The following EPC1 variants were observed in gnomAD, a reference collection of about 807,000 sequenced individuals.
EPC1 encodes enhancer of polycomb 1, also known as enhancer of polycomb homolog 1.
EPC1 carries 12 observed loss-of-function variants against 98.4 expected under a neutral mutation model. The ratio of observed to expected loss-of-function variants is 0.12; its 90% confidence interval spans 0.08 to 0.20. The LOEUF (loss-of-function observed/expected upper bound fraction) is 0.20, where lower values mean the gene tolerates loss of function less well. Among genes scored for constraint, EPC1 ranks in the 10% least tolerant of loss-of-function variants. The pLI, the probability that EPC1 is intolerant of heterozygous loss-of-function variation, is 1.00. For missense variants in EPC1, 729 were observed against 990.5 expected (o/e 0.74, Z 3.54); for synonymous variants, 357 against 363.9 (o/e 0.98, Z 0.21).
intron 2 of EPC1, among the ~76,000 whole-genome samples, chr10:32,302,454 C>A (rs903640282): frequency 1.3e-5 from 2 of 151,680 alleles, no homozygotes; most frequent in Non-Finnish European, 2.9e-5. Flanking sequence ...TTGAGACCAG[C>A]CTGGCCAACT....
chr10:32,306,788 C>T (rs1835897451), intron 1 of EPC1, among the ~76,000 whole-genome samples: 1 of 151,906 alleles, frequency 6.6e-6, no homozygotes, highest in African/African-American at 2.4e-5. Flanking sequence ...CTACCAACTG[C>T]CATATAAAGG....
intron 2 of EPC1, among the ~76,000 whole-genome samples, chr10:32,296,168 C>T (rs1012923059): frequency 5.3e-4 from 81 of 152,116 alleles, no homozygotes; most frequent in African/African-American, 1.8e-3. Context: ...AACTCCTGAA[C>T]TCATGATCCA....
At chr10:32,332,412 C>T (rs1837691847) in intron 1 of EPC1, among the ~76,000 whole-genome samples, 1 of 152,146 alleles carries the variant, frequency 6.6e-6, no homozygotes, top group African/African-American at 2.4e-5. Flanking sequence ...CTTGGGTAGT[C>T]CCCTCCCACA....
intron 1 of EPC1, among the ~76,000 whole-genome samples, chr10:32,356,828 C>T (rs984630713): frequency 4.6e-5 from 7 of 152,048 alleles, no homozygotes; most frequent in African/African-American, 1.7e-4. Context: ...ACTAAAAATA[C>T]AAAAAATTAG....
chr10:32,368,516 T>C (rs1287754851), intron 1 of EPC1, among the ~76,000 whole-genome samples: 1 of 152,230 alleles, frequency 6.6e-6, no homozygotes, highest in Non-Finnish European at 1.5e-5. Context: ...TACCTTTTCC[T>C]TTATGGCTCA....
At chr10:32,372,439 T>A (rs889300827) in intron 1 of EPC1, among the ~76,000 whole-genome samples, 24 of 152,338 alleles carry the variant, frequency 1.6e-4, no homozygotes, top group African/African-American at 5.5e-4. Flanking sequence ...CTGGACCTAA[T>A]GTTATGAATC....
At chr10:32,323,285 T>C (rs898265914) in intron 1 of EPC1, among the ~76,000 whole-genome samples, 2 of 152,170 alleles carry the variant, frequency 1.3e-5, no homozygotes, top group African/African-American at 4.8e-5. Flanking sequence ...CTGATATTTG[T>C]AATAGAAGTA....
At chr10:32,287,620 A>G (rs1197262219) in intron 6 of EPC1, among the ~76,000 whole-genome samples, 1 of 152,186 alleles carries the variant, frequency 6.6e-6, no homozygotes, top group Non-Finnish European at 1.5e-5. Context: ...ATTCTAGAAG[A>G]GAATTTTTTT....
rs1835699520 is a variant in EPC1, at chr10:32,268,821, G to A, written c.*242C>T. The A allele has an allele frequency of 4.9e-6, 1 of 202,758 alleles. No homozygotes were observed. 12.6% of individuals were successfully genotyped at this position (202,758 alleles called of 1,614,324 possible). ...CTGTATTCAAGTAACATATATACAA[G>A]GGTATTACAAATATGCAGTACTGTA... On this transcript the variant is annotated 3_prime_UTR_variant, in exon 14 of 14. Coordinates refer to ENST00000319778, the MANE Select transcript of EPC1 (RefSeq NM_001272004.3).
At chr10:32,290,734 T>C (rs372086591) in intron 6 of EPC1, among the ~76,000 whole-genome samples, 4 of 151,936 alleles carry the variant, frequency 2.6e-5, no homozygotes, top group Non-Finnish European at 4.4e-5. Flanking sequence ...GGCACAATCA[T>C]TGCAGTATAC....
rs573540260 is a variant in EPC1 at position 32,315,653 on chromosome 10, T to G, written c.154-9722A>C. On this transcript the variant is annotated intron_variant, in intron 1 of 13. Transcript: ENST00000319778. ...AGTTGAACAAAAGGCCTGAGCTGAATTATTTTCTCTACTACTTTCAAATGA... is the reference window on the plus strand; with the variant it reads ...AGTTGAACAAAAGGCCTGAGCTGAAGTATTTTCTCTACTACTTTCAAATGA... Among the ~76,000 whole-genome samples the G allele has an allele frequency of 2.0e-5, 3 of 152,320 alleles. No homozygotes were observed. In the South Asian group the frequency reaches 6.2e-4, roughly 32 times the overall value.
Position 32,284,701 on chromosome 10 carries a change from A to G in EPC1, c.1741T>C (p.Phe581Leu). The change falls in exon 10 of 14, where the codon TTT (phenylalanine) becomes CTT (leucine). Residue 581 changes from phenylalanine (F) to leucine (L), a missense_variant. Coordinates refer to ENST00000319778, the MANE Select transcript of EPC1 (RefSeq NM_001272004.3). The stretch of plus-strand genomic sequence containing the variant: ...ACATCATTAACAGTCAACATACCAA[A>G]GTGTGCTGAACCACTGCTACTTTTA... The part of the protein sequence containing the change: ...QSKSSSGSAH[F>L]AFTAEQYQQH... 1 of 1,607,174 alleles carries G rather than the reference A, an allele frequency of 6.2e-7. No homozygotes were observed. The highest frequency in any genetic ancestry group is 8.5e-7 in the Non-Finnish European group (1 of 1,175,058).
At position 32,346,939 on chromosome 10, in the gene EPC1, C is replaced by CG; in HGVS notation, c.-25dup. 1 of 1,610,562 alleles carries CG rather than the reference C, an allele frequency of 6.2e-7. No individual in the cohort carries two copies. Among genetic ancestry groups the CG allele is most frequent in the Non-Finnish European group, 8.5e-7 (1 of 1,179,718 alleles). Reference sequence around the variant, plus strand: ...ATCTCAGGCGCAGCAGATACCTCTCCGCTCTGGGGAAACGGCCCCGGCCAG... The same window carrying CG: ...ATCTCAGGCGCAGCAGATACCTCTCCGGCTCTGGGGAAACGGCCCCGGCCAG... On this transcript the variant is annotated 5_prime_UTR_variant, in exon 1 of 14. It removes the in-frame stop codon of an upstream open reading frame in the 5' UTR. Coordinates refer to ENST00000319778, the MANE Select transcript of EPC1 (RefSeq NM_001272004.3).
chr10:32,340,074 T>C (rs1235980546), intron 1 of EPC1, among the ~76,000 whole-genome samples: 1 of 152,232 alleles, frequency 6.6e-6, no homozygotes, highest in Non-Finnish European at 1.5e-5. Context: ...ATCCAATTTC[T>C]TCAGTCAGTA....
intron 1 of EPC1, among the ~76,000 whole-genome samples, chr10:32,369,994 TATG>T (rs1398540604): frequency 2.0e-5 from 3 of 152,208 alleles, no homozygotes; most frequent in African/African-American, 4.8e-5. Context: ...GATTTATGAA[TATG>T]ATAAGATTTG....
At chr10:32,343,694 TG>T (rs5784285) in intron 1 of EPC1, among the ~76,000 whole-genome samples, 1,793 of 142,862 alleles carry the variant, frequency 0.013, 36 homozygotes, top group African/African-American at 0.043. Flanking sequence ...CAAATTATTT[TG>T]GGGGGGGGGT....
At chr10:32,364,596 A>G (rs1291040239) in intron 1 of EPC1, among the ~76,000 whole-genome samples, 8 of 152,044 alleles carry the variant, frequency 5.3e-5, no homozygotes, top group African/African-American at 1.9e-4. Flanking sequence ...GTGAGACTCG[A>G]CCCTTCCCAA....
chr10:32,292,746 T>C, intron 4 of EPC1, 102 bp from the exon 5 acceptor site: 1 of 1,204,524 alleles, frequency 8.3e-7, no homozygotes, highest in Non-Finnish European at 1.1e-6. Context: ...TAAATTAGAA[T>C]TTAAAGACAA....
Position 32,284,739 on chromosome 10 carries a change from G to C in EPC1, c.1703C>G (p.Thr568Ser). 6.2e-7 allele frequency: 1 copy of C among 1,614,104 alleles called. No homozygotes were observed. The highest frequency in any genetic ancestry group is 8.5e-7 in the Non-Finnish European group (1 of 1,179,992). ...TAQPGTQTCS[T>S]STQSKSSSGS... ...ACTGCTACTTTTACTTTGCGTAGAG[G>C]TACTGCATGTCTGGGTCCCAGGTTG... The change falls in exon 10 of 14, where the codon ACC becomes AGC. Residue 568 changes from threonine to serine, a missense_variant. Thr to Ser is a moderately conservative substitution (Grantham distance 58). This residue lies in a region of EPC1 where 390 missense variants were observed against 438.6 expected (regional missense o/e 0.89). Coordinates refer to ENST00000319778, the MANE Select transcript of EPC1 (RefSeq NM_001272004.3).
Sources: gnomAD v4.1 joint callset for allele counts (sites outside exome capture counted in the v4.1 genomes callset) on GRCh38, gnomAD v4.1.1 for gene constraint, gnomAD v4.1.1 regional missense constraint, MANE v1.5 for transcripts, NCBI Gene and HGNC (gene_info 2026-07-23, HGNC 2026-07-21) for gene names.